The following ERBB4 variants were observed in gnomAD, a reference collection of about 807,000 sequenced individuals.
ERBB4 encodes the protein receptor tyrosine-protein kinase erbB-4.
Under a neutral mutation model 158.0 loss-of-function variants are expected in ERBB4, and 42 were observed. The observed-to-expected ratio is 0.27, with a 90% CI of 0.21 to 0.34. The LOEUF (loss-of-function observed/expected upper bound fraction) is 0.34. Among genes scored for constraint, ERBB4 ranks in the 10% least tolerant of loss-of-function variants. The pLI is 1.00. For missense variants in ERBB4, 1,333 were observed against 1,624.1 expected (o/e 0.82, Z 3.08); for synonymous variants, 583 against 558.7 (o/e 1.04, Z -0.61).
In ERBB4 at chr2:211,872,314, G is replaced by C. The variant is rs139765537; in HGVS notation, c.421+75116C>G. Among the ~76,000 whole-genome samples the C allele has an allele frequency of 3.6e-4, 55 of 152,242 alleles. 1 individual carries two copies. The East Asian group carries it at 9.3e-3, about 26-fold the overall frequency. On this transcript the variant is annotated intron_variant, in intron 3 of 27. Coordinates refer to ENST00000342788, the MANE Select transcript of ERBB4 (RefSeq NM_005235.3). ...GATGGATATAAAGTACACAGAGAAAGTATTGTAAGAGAATTATTTTGCAGT... is the reference window on the plus strand; with the variant it reads ...GATGGATATAAAGTACACAGAGAAACTATTGTAAGAGAATTATTTTGCAGT...
At chr2:211,589,242 A>T (rs1280805332) in intron 19 of ERBB4, among the ~76,000 whole-genome samples, 2 of 152,174 alleles carry the variant, frequency 1.3e-5, no homozygotes, top group Non-Finnish European at 2.9e-5. Flanking sequence ...AGCAAAAGAT[A>T]CACATTCCTA....
At position 211,862,286 on chromosome 2, in the gene ERBB4, T is replaced by TA. The variant is rs540310566; in HGVS notation, c.422-74128dup. ...CAAGTTTACAATAATTGTATGATGA[T>TA]AAAATCACAGCTAATAGTTTGTTAA... On this transcript the variant is annotated intron_variant, in intron 3 of 27. Coordinates refer to ENST00000342788, the MANE Select transcript of ERBB4 (RefSeq NM_005235.3). 1.4e-3 allele frequency among the ~76,000 whole-genome samples: 216 copies of TA among 152,326 alleles called. 1 individual carries two copies. Among genetic ancestry groups the TA allele is most frequent in the African/African-American group, 4.8e-3 (200 of 41,588 alleles).
At chr2:211,738,920 T>C (rs971948921) in intron 5 of ERBB4, among the ~76,000 whole-genome samples, 2 of 152,186 alleles carry the variant, frequency 1.3e-5, no homozygotes, top group African/African-American at 2.4e-5. Context: ...ATTACAGGCA[T>C]GAACCATTGT....
rs563412303 is a variant in ERBB4, at chr2:211,809,703, G to C, written c.422-21544C>G. Among the ~76,000 whole-genome samples, 13 of 152,204 alleles carry C rather than the reference G, an allele frequency of 8.5e-5. No homozygotes were observed. The East Asian group carries it at 2.5e-3, about 29-fold the overall frequency. The stretch of plus-strand genomic sequence containing the variant: ...TCTCTATCTCCTTCAGTTCTGCTCT[G>C]ATCTTAGTTATTTCTTGCCTTCTGC... On this transcript the variant is annotated intron_variant, in intron 3 of 27. Coordinates refer to ENST00000342788, the MANE Select transcript of ERBB4 (RefSeq NM_005235.3).
chr2:211,842,527 A>G (rs1170120665), intron 3 of ERBB4, among the ~76,000 whole-genome samples: 1 of 147,340 alleles, frequency 6.8e-6, no homozygotes, highest in African/African-American at 2.4e-5. Context: ...CTATATTGCA[A>G]ACATAATGTG....
intron 2 of ERBB4, among the ~76,000 whole-genome samples, chr2:212,121,949 C>G: frequency 6.6e-6 from 1 of 151,876 alleles, no homozygotes; most frequent in Non-Finnish European, 1.5e-5. Flanking sequence ...TTTAGATAAC[C>G]TAGCATGCAC....
At chr2:211,496,739 G>C (rs77210482) in intron 20 of ERBB4, among the ~76,000 whole-genome samples, 3,123 of 152,068 alleles carry the variant, frequency 0.021, 122 homozygotes, top group African/African-American at 0.072. Flanking sequence ...ATTATCTTTG[G>C]TGAGCCTCCA....
chr2:212,489,706 A>C (rs1690167542), intron 1 of ERBB4, among the ~76,000 whole-genome samples: 1 of 150,388 alleles, frequency 6.6e-6, no homozygotes, highest in Non-Finnish European at 1.5e-5. Flanking sequence ...TTGGGAATTG[A>C]GGGAAAAAAT....
At chr2:212,456,474 A>G (rs1688293354) in intron 1 of ERBB4, among the ~76,000 whole-genome samples, 1 of 151,900 alleles carries the variant, frequency 6.6e-6, no homozygotes, top group African/African-American at 2.4e-5. Context: ...TTACAGAATT[A>G]TATTCTCAAC....
chr2:212,067,755 T>C (rs2077987304), intron 2 of ERBB4, among the ~76,000 whole-genome samples: 1 of 152,024 alleles, frequency 6.6e-6, no homozygotes, highest in South Asian at 2.1e-4. Flanking sequence ...CTCCTCTTAA[T>C]TTTCTCTTTA....
chr2:212,342,418 T>G (rs1432360413), intron 1 of ERBB4, among the ~76,000 whole-genome samples: 2 of 152,130 alleles, frequency 1.3e-5, no homozygotes, highest in Non-Finnish European at 2.9e-5. Flanking sequence ...CTGCATACAC[T>G]CTCTTGCCTG....
chr2:211,566,069 T>C (rs1254062931), intron 19 of ERBB4, among the ~76,000 whole-genome samples: 1 of 152,192 alleles, frequency 6.6e-6, no homozygotes, highest in African/African-American at 2.4e-5. Flanking sequence ...GGGTGCACTT[T>C]GAGGCGTCAC....
intron 20 of ERBB4, among the ~76,000 whole-genome samples, chr2:211,506,774 T>C (rs1016403811): frequency 1.3e-5 from 2 of 151,972 alleles, no homozygotes; most frequent in African/African-American, 4.8e-5. Flanking sequence ...GGAAAGTGTA[T>C]AATGTTTAAA....
At chr2:211,972,526 C>T (rs1228713445) in intron 2 of ERBB4, among the ~76,000 whole-genome samples, 1 of 152,056 alleles carries the variant, frequency 6.6e-6, no homozygotes, top group East Asian at 1.9e-4. Flanking sequence ...CAGTAACCAA[C>T]ACAGCAAGGT....
At chr2:212,064,867 T>C (rs1468626834) in intron 2 of ERBB4, among the ~76,000 whole-genome samples, 1 of 152,080 alleles carries the variant, frequency 6.6e-6, no homozygotes, top group Non-Finnish European at 1.5e-5. Context: ...GTGTCAGTAT[T>C]AAAATTTCTG....
chr2:211,516,083 T>A (rs1246436985), intron 20 of ERBB4, among the ~76,000 whole-genome samples: 3 of 149,514 alleles, frequency 2.0e-5, no homozygotes, highest in East Asian at 4.0e-4. Flanking sequence ...CCTAGCTAAT[T>A]TTTTGTATTT....
At chr2:212,283,012 C>T (rs979877373) in intron 1 of ERBB4, among the ~76,000 whole-genome samples, 10 of 151,844 alleles carry the variant, frequency 6.6e-5, no homozygotes, top group African/African-American at 1.9e-4. Context: ...AGAAACTGGG[C>T]ATTCATACTC....
rs79726908 is a variant in ERBB4 at position 212,256,708 on chromosome 2, A to G, written c.83-131805T>C. ...TCAGTAGCCTCGCATCTCTGGGCCAATGAGGAACAGAACCAAGACTCCAAC... is the reference window on the plus strand; with the variant it reads ...TCAGTAGCCTCGCATCTCTGGGCCAGTGAGGAACAGAACCAAGACTCCAAC... On this transcript the variant is annotated intron_variant, in intron 1 of 27. Coordinates refer to ENST00000342788, the MANE Select transcript of ERBB4 (RefSeq NM_005235.3). 6.6e-5 allele frequency among the ~76,000 whole-genome samples: 10 copies of G among 152,310 alleles called. No homozygotes were observed. The East Asian group carries it at 9.7e-4, about 15-fold the overall frequency.
intron 2 of ERBB4, among the ~76,000 whole-genome samples, chr2:212,115,838 C>G (rs954844953): frequency 1.3e-5 from 2 of 151,896 alleles, no homozygotes; most frequent in Admixed American, 6.6e-5. Context: ...TTAAGACAAG[C>G]CTATAAATTC....
Sources: gnomAD v4.1 joint callset for allele counts (sites outside exome capture counted in the v4.1 genomes callset) on GRCh38, gnomAD v4.1.1 for gene constraint, MANE v1.5 for transcripts, NCBI Gene and HGNC (gene_info 2026-07-23, HGNC 2026-07-21) for gene names.